ACSBG1: variants seen among roughly 807,000 people sequenced by gnomAD.
The protein encoded by ACSBG1 is acyl-CoA synthetase bubblegum family member 1.
ACSBG1 carries 39 observed loss-of-function variants against 80.2 expected under a neutral mutation model. The observed-to-expected ratio is 0.49, with a 90% confidence interval of 0.38 to 0.64. The LOEUF (loss-of-function observed/expected upper bound fraction) is 0.64, where lower values mean the gene tolerates loss of function less well. Ranked by LOEUF, ACSBG1 falls within the 30% of genes least tolerant of loss-of-function variation. ACSBG1 has a pLI of 0.00. For synonymous variants in ACSBG1, 392 were observed against 379.5 expected (o/e 1.03, Z -0.38); for missense variants, 828 against 966.4 (o/e 0.86, Z 1.90).
intron 1 of ACSBG1, among the ~76,000 whole-genome samples, chr15:78,210,066 G>A (rs903783130): frequency 6.6e-6 from 1 of 152,218 alleles, no homozygotes; most frequent in Non-Finnish European, 1.5e-5. Flanking sequence ...TCTGTTTATA[G>A]GGACGATGAG....
In ACSBG1 at chr15:78,173,823, T is replaced by C. The variant is rs747539189; in HGVS notation, c.1859A>G (p.Asp620Gly). 1.2e-6 allele frequency: 2 copies of C among 1,613,970 alleles called. No individual in the cohort carries two copies. Among genetic ancestry groups the C allele is most frequent in the Non-Finnish European group, 8.5e-7 (1 of 1,179,978 alleles). Residue 620 changes from aspartate to glycine, a missense_variant, in exon 13 of 14, where the codon GAC becomes GGC. Transcript: ENST00000258873. ...CAGATTATCAGTCTGGTCAGAGGTGTCTGGGTCCAGAGTGCACTGAAAAGC... is the reference window on the plus strand; with the variant it reads ...CAGATTATCAGTCTGGTCAGAGGTGCCTGGGTCCAGAGTGCACTGAAAAGC... Reference protein sequence around the residue: ...LLTLKCTLDPDTSDQTDNLTE... With the variant: ...LLTLKCTLDPGTSDQTDNLTE...
intron 1 of ACSBG1, among the ~76,000 whole-genome samples, chr15:78,227,879 A>G (rs993907367): frequency 6.6e-6 from 1 of 152,238 alleles, no homozygotes; most frequent in Non-Finnish European, 1.5e-5. Flanking sequence ...GCAAGGAGCC[A>G]GACAAGTAAC....
At chr15:78,181,656 T>C (rs550094577) in intron 8 of ACSBG1, among the ~76,000 whole-genome samples, 1 of 151,974 alleles carries the variant, frequency 6.6e-6, no homozygotes, top group South Asian at 2.1e-4. Context: ...ACCACTCCCA[T>C]CTAATTTTTT....
At chr15:78,209,943 C>T (rs1188239808) in intron 1 of ACSBG1, among the ~76,000 whole-genome samples, 4 of 152,234 alleles carry the variant, frequency 2.6e-5, no homozygotes, top group Admixed American at 6.5e-5. Flanking sequence ...TCTCTCCCCA[C>T]AGAAAATTAG....
At chr15:78,221,688 G>T (rs956296842) in intron 1 of ACSBG1, among the ~76,000 whole-genome samples, 6 of 152,122 alleles carry the variant, frequency 3.9e-5, no homozygotes, top group African/African-American at 1.2e-4. Flanking sequence ...CTGTCTCAGT[G>T]GGGGGAAACT....
At position 78,172,527 on chromosome 15, in the gene ACSBG1, A is replaced by C. The variant is rs1355184843; in HGVS notation, c.2090-998T>G. 6.6e-6 allele frequency among the ~76,000 whole-genome samples: 1 copy of C among 152,180 alleles called. No homozygotes were observed. The highest frequency in any genetic ancestry group is 1.5e-5 in the Non-Finnish European group (1 of 68,020). ...AGGTCCTGGGTAGCTTAAAGTGCCT[A>C]ACTCACTCTTGACTGTGTAACTGGA... On this transcript the variant is annotated intron_variant, in intron 13 of 13. Transcript: ENST00000258873. The surrounding 1 kb of genome is among the most constrained non-coding windows in gnomAD (Gnocchi z 4.1).
chr15:78,173,634 GC>G lies in ACSBG1; in HGVS notation c.2047del (p.Ala683ProfsTer18). ...AATGGAGAAGTCTCTCTCGAGAATG[GC>G]CCACTTCTGGATGTGGTAGGGCCGG... Reference protein sequence around the residue: ...AARPYHIQKWAILERDFSISG... With the variant: ...AARPYHIQKWXILERDFSISG... On this transcript the variant is annotated frameshift_variant, in exon 13 of 14. Transcript: ENST00000258873. LOFTEE classifies it high-confidence loss of function. The G allele has an allele frequency of 6.2e-7, 1 of 1,614,164 alleles. No individual in the cohort carries two copies.
chr15:78,217,895 T>C (rs181659743), intron 1 of ACSBG1, among the ~76,000 whole-genome samples: 30 of 152,300 alleles, frequency 2.0e-4, no homozygotes, highest in East Asian at 1.4e-3. Flanking sequence ...ACCATGCGCA[T>C]ATATTAAATC....
chr15:78,222,246 A>G (rs2075364831), intron 1 of ACSBG1, among the ~76,000 whole-genome samples: 1 of 152,268 alleles, frequency 6.6e-6, no homozygotes, highest in South Asian at 2.1e-4. Context: ...CAGAATAAGC[A>G]AATCTATAGA....
intron 1 of ACSBG1, among the ~76,000 whole-genome samples, chr15:78,211,127 T>C (rs1475748246): frequency 6.6e-6 from 1 of 152,224 alleles, no homozygotes; most frequent in African/African-American, 2.4e-5. Context: ...GAAAAGAAGC[T>C]AAGGTTTGGG....
Position 78,194,535 on chromosome 15 carries a change from C to T in ACSBG1, c.424G>A (p.Ala142Thr), listed in dbSNP as rs544201014. 4.8e-5 allele frequency: 78 copies of T among 1,614,196 alleles called. No individual in the cohort carries two copies. Among genetic ancestry groups the T allele is most frequent in the South Asian group, 3.2e-4 (29 of 91,090 alleles). Residue 142 changes from alanine to threonine, a missense_variant, in exon 3 of 14, where the codon GCC becomes ACC. Coordinates refer to ENST00000258873, the MANE Select transcript of ACSBG1 (RefSeq NM_015162.5). ...HISYSQYYLL[A>T]RRAAKGFLKL... ...AGGAAGCCCTTGGCGGCTCTGCGGG[C>T]GAGCAGGTAGTATTGGGAGTAGGAG...
chr15:78,207,926 C>CCCCCCCCCCCCCCCCCA, intron 2 of ACSBG1, 76 bp downstream of exon 2: 6 of 662,148 alleles, frequency 9.1e-6, no homozygotes, highest in Non-Finnish European at 1.1e-5. Context: ...GTCCCCCACA[C>CCCCCCCCCCCCCCCCCA]CACCCACCCC....
chr15:78,234,239 C>T, intron 1 of ACSBG1, 132 bp downstream of exon 1: 1 of 1,303,708 alleles, frequency 7.7e-7, no homozygotes, highest in Non-Finnish European at 1.1e-6. Context: ...TCGCCCAGAT[C>T]CTTCCCTTCA....
chr15:78,197,909 G>A (rs1042130305), intron 2 of ACSBG1, among the ~76,000 whole-genome samples: 7 of 151,984 alleles, frequency 4.6e-5, no homozygotes, highest in Admixed American at 3.3e-4. Context: ...ACTTTCTCCC[G>A]TGGGCACATC....
rs747324123 is a variant in ACSBG1 at position 78,170,631 on chromosome 15, C to T, written c.*813G>A. 6.6e-6 allele frequency: 1 copy of T among 152,306 alleles called. No homozygotes were observed. The highest frequency in any genetic ancestry group is 1.5e-5 in the Non-Finnish European group (1 of 68,050). 9.4% of individuals were successfully genotyped at this position (152,306 alleles called of 1,614,324 possible). A position where few individuals can be genotyped will look rare whatever the true frequency, so the allele number is the denominator to read the frequency against. On this transcript the variant is annotated 3_prime_UTR_variant, in exon 14 of 14. Coordinates refer to ENST00000258873, the MANE Select transcript of ACSBG1 (RefSeq NM_015162.5). ...ACTGAGAATGGCTGCTTCCCGTATTCAGAATGGAAGTGGGGTGGTCTGGTG... is the reference window on the plus strand; with the variant it reads ...ACTGAGAATGGCTGCTTCCCGTATTTAGAATGGAAGTGGGGTGGTCTGGTG...
chr15:78,194,701 G>A lies in ACSBG1; in HGVS notation c.258C>T (p.Ala86=), dbSNP rs771806969. Residue 86 remains alanine (A), a synonymous_variant, in exon 3 of 14, where the codon GCC becomes GCT. Coordinates refer to ENST00000258873, the MANE Select transcript of ACSBG1 (RefSeq NM_015162.5). The stretch of plus-strand genomic sequence containing the variant: ...CTATGCGCAGGCGCACCCGCCCATC[G>A]GCCCGAGTCGTCCACAGCGCCTCCT... The part of the protein sequence containing the change: ...APEEALWTTR[A]DGRVRLRIDP... The A allele has an allele frequency of 1.1e-4, 180 of 1,612,992 alleles. No individual in the cohort carries two copies. Among genetic ancestry groups the A allele is most frequent in the Middle Eastern group, 1.8e-4 (1 of 5,616 alleles).
chr15:78,215,428 G>A (rs1158830775), intron 1 of ACSBG1, among the ~76,000 whole-genome samples: 9 of 152,074 alleles, frequency 5.9e-5, no homozygotes, highest in African/African-American at 9.7e-5. Context: ...AGGCCGAGGC[G>A]GGTGGATCAC....
chr15:78,215,728 A>G (rs866595541), intron 1 of ACSBG1, among the ~76,000 whole-genome samples: 2 of 50,596 alleles, frequency 4.0e-5, no homozygotes, highest in South Asian at 6.1e-4. Flanking sequence ...AAGAAAGAGA[A>G]AGAAAGAAAG....
chr15:78,215,045 C>G (rs577068880), intron 1 of ACSBG1, among the ~76,000 whole-genome samples: 12 of 152,120 alleles, frequency 7.9e-5, no homozygotes, highest in Non-Finnish European at 1.8e-4. Context: ...CCCATAGACC[C>G]CCATCAATGC....
Sources: allele counts gnomAD v4.1 joint callset (sites outside exome capture counted in the v4.1 genomes callset), GRCh38; gene constraint gnomAD v4.1.1; non-coding constraint Gnocchi (gnomAD v3.1); transcripts MANE v1.5; gene names NCBI Gene and HGNC (gene_info 2026-07-23, HGNC 2026-07-21).